CHD2: variants seen among roughly 807,000 people sequenced by gnomAD.
The protein encoded by CHD2 is chromodomain helicase DNA binding protein 2.
A neutral mutation model predicts 243.9 loss-of-function variants in CHD2; 28 were observed. The ratio of observed to expected loss-of-function variants is 0.11; its 90% CI spans 0.09 to 0.16. The LOEUF is 0.16. CHD2 is among the 10% of genes least tolerant of loss of function. CHD2 has a pLI of 1.00. For missense variants in CHD2, 1,386 were observed against 2,209.8 expected, an observed-to-expected ratio of 0.63 and a Z score of 7.47; for synonymous variants, 775 against 779.0, an observed-to-expected ratio of 0.99 and a Z score of 0.09.
intron 35 of CHD2, 132 bp downstream of exon 35, chr15:93,009,455 T>G: frequency 4.8e-6 from 4 of 824,832 alleles, no homozygotes; most frequent in Non-Finnish European, 5.5e-6. Context: ...ATTGGCAATA[T>G]ACCTGCAGGC....
At position 92,960,705 on chromosome 15, in the gene CHD2, G is replaced by GTTTTTTTTTTT. The variant is rs71467745; in HGVS notation, c.2000+4073_2000+4083dup. 1.2e-4 allele frequency among the ~76,000 whole-genome samples: 6 copies of GTTTTTTTTTTT among 51,468 alleles called. 2 individuals are homozygous for GTTTTTTTTTTT. The highest frequency in any genetic ancestry group is 2.2e-4 in the Non-Finnish European group (6 of 27,226). 33.8% of individuals were successfully genotyped at this position (51,468 alleles called of 152,430 possible). A position where few individuals can be genotyped will look rare whatever the true frequency, so the allele number is the denominator to read the frequency against. Reference sequence around the variant, plus strand: ...TTAAAGATTTTTGCATCTGTTTGGTGTTTTTTTTTTTTTTTTTTTTTTTTT... The same window carrying GTTTTTTTTTTT: ...TTAAAGATTTTTGCATCTGTTTGGTGTTTTTTTTTTTTTTTTTTTTTTTTTTTTTTTTTTTT... On this transcript the variant is annotated intron_variant, in intron 16 of 38. Transcript: ENST00000394196.
intron 32 of CHD2, 99 bp downstream of exon 32, chr15:93,000,739 G>A (rs2054244301): frequency 2.3e-5 from 30 of 1,311,784 alleles, no homozygotes; most frequent in Non-Finnish European, 3.0e-5. Context: ...TGGTTTACGA[G>A]TGGATTAAAT....
At chr15:92,960,288 T>A (rs557892543) in intron 16 of CHD2, among the ~76,000 whole-genome samples, 6 of 152,340 alleles carry the variant, frequency 3.9e-5, no homozygotes, top group African/African-American at 1.4e-4. Context: ...TTATGTTTTC[T>A]GTACCTAAAG....
At chr15:92,984,012 C>T (rs1273445731) in intron 24 of CHD2, among the ~76,000 whole-genome samples, 1 of 152,068 alleles carries the variant, frequency 6.6e-6, no homozygotes, top group Non-Finnish European at 1.5e-5. Flanking sequence ...TAAATTTTAT[C>T]ATTAGTATTA....
At chr15:92,941,627 A>G (rs1279744615) in intron 7 of CHD2, among the ~76,000 whole-genome samples, 195 bp from the exon 8 acceptor site, 1 of 152,184 alleles carries the variant, frequency 6.6e-6, no homozygotes, top group African/African-American at 2.4e-5. Context: ...TAGACTCCCT[A>G]CAGTTGTTTA....
chr15:92,903,758 G>A (rs1203597580), intron 2 of CHD2, among the ~76,000 whole-genome samples: 2 of 152,200 alleles, frequency 1.3e-5, no homozygotes, highest in Non-Finnish European at 2.9e-5. Flanking sequence ...AGAGTTCAGT[G>A]TGTTCTCCAC....
intron 2 of CHD2, among the ~76,000 whole-genome samples, chr15:92,920,388 TA>T (rs1181853923): frequency 6.6e-6 from 1 of 152,224 alleles, no homozygotes; most frequent in East Asian, 1.9e-4. Flanking sequence ...GTACCGTTAA[TA>T]GGGGAATGTT....
intron 26 of CHD2, among the ~76,000 whole-genome samples, chr15:92,985,981 G>A (rs1382939220): frequency 1.3e-5 from 2 of 152,026 alleles, no homozygotes; most frequent in Non-Finnish European, 2.9e-5. Context: ...ACAGACTTAT[G>A]TATCTGTATA....
At chr15:92,989,025 CTTTTTTTTT>C (rs34298248) in intron 26 of CHD2, among the ~76,000 whole-genome samples, 9 of 76,520 alleles carry the variant, frequency 1.2e-4, no homozygotes, top group African/African-American at 1.5e-4. Context: ...ATACTTCATA[CTTTTTTTTT>C]TTTTTTTTTT....
chr15:92,954,283 T>G (rs921179497), intron 14 of CHD2: 2 of 152,314 alleles, frequency 1.3e-5, no homozygotes, highest in African/African-American at 4.8e-5. Flanking sequence ...TCAGAGAGTC[T>G]TAACACGCGA....
At chr15:92,926,302 CT>C (rs970692365) in intron 3 of CHD2, among the ~76,000 whole-genome samples, 1 of 152,172 alleles carries the variant, frequency 6.6e-6, no homozygotes, top group African/African-American at 2.4e-5. Flanking sequence ...CAGCTAGTGG[CT>C]TCTTTTGTGC....
At chr15:92,903,324 A>C (rs945691214) in intron 2 of CHD2, among the ~76,000 whole-genome samples, 5 of 152,176 alleles carry the variant, frequency 3.3e-5, no homozygotes, top group Non-Finnish European at 5.9e-5. Flanking sequence ...TGTTTAGGGA[A>C]TACTACGAAA....
At chr15:92,996,395 C>T (rs2388054) in intron 28 of CHD2, among the ~76,000 whole-genome samples, 55,684 of 151,756 alleles carry the variant, frequency 0.37, 11,268 homozygotes, top group East Asian at 0.8. Context: ...CTCCTGACCT[C>T]GTGATCTGCC....
At chr15:92,971,723 T>G (rs762108524) in intron 17 of CHD2, 42 bp from the exon 18 acceptor site, 1 of 1,558,190 alleles carries the variant, frequency 6.4e-7, no homozygotes, top group African/African-American at 1.4e-5. Context: ...CAACTTTCTG[T>G]TTTTTTGTAT....
Position 92,929,016 on chromosome 15 carries a change from C to G in CHD2, c.382-14C>G. The G allele has an allele frequency of 6.2e-7, 1 of 1,609,842 alleles. No homozygotes were observed. The highest frequency in any genetic ancestry group is 8.5e-7 in the Non-Finnish European group (1 of 1,177,566). On this transcript the variant is annotated splice_polypyrimidine_tract_variant and intron_variant, in intron 4 of 38. Transcript: ENST00000394196. ...TAAAGTCTGTAATCATTTTTCCCCCCTCACACACTGAAGGCAAGTAGCGGG... is the reference window on the plus strand; with the variant it reads ...TAAAGTCTGTAATCATTTTTCCCCCGTCACACACTGAAGGCAAGTAGCGGG...
intron 12 of CHD2, chr15:92,946,442 T>C (rs368192395): frequency 2.2e-5 from 8 of 362,282 alleles, no homozygotes; most frequent in East Asian, 8.5e-5. Flanking sequence ...AATAGAGATA[T>C]TTGAGAGAAT....
intron 2 of CHD2, among the ~76,000 whole-genome samples, chr15:92,908,144 C>T (rs896662670): frequency 2.0e-5 from 3 of 151,374 alleles, no homozygotes; most frequent in African/African-American, 7.3e-5. Flanking sequence ...CCCACCCCCA[C>T]TCCCCCAAGC....
chr15:92,937,868 G>C (rs901688186), intron 6 of CHD2, among the ~76,000 whole-genome samples: 1 of 152,144 alleles, frequency 6.6e-6, no homozygotes, highest in Non-Finnish European at 1.5e-5. Context: ...TATATGTTTG[G>C]CCAGGGTACA....
chr15:92,913,412 C>A (rs560144597), intron 2 of CHD2, among the ~76,000 whole-genome samples: 24 of 152,328 alleles, frequency 1.6e-4, no homozygotes, highest in African/African-American at 5.3e-4. Flanking sequence ...TTGTCCCCTT[C>A]CATTACCCTG....
Sources: gnomAD v4.1 joint callset for allele counts (sites outside exome capture counted in the v4.1 genomes callset) on GRCh38, gnomAD v4.1.1 for gene constraint, MANE v1.5 for transcripts, NCBI Gene and HGNC (gene_info 2026-07-23, HGNC 2026-07-21) for gene names.